DENND5A: variants seen among roughly 807,000 people sequenced by gnomAD.
DENND5A encodes DENN domain containing 5A, also known as DENN domain-containing protein 5A.
Under a neutral mutation model 140.3 loss-of-function variants are expected in DENND5A, and 64 were observed. That is an observed-to-expected ratio of 0.46 (90% CI 0.37 to 0.56). The LOEUF (loss-of-function observed/expected upper bound fraction) is 0.56. Among genes scored for constraint, DENND5A ranks in the 20% least tolerant of loss-of-function variants. The probability of loss-of-function intolerance (pLI) is 0.00; values close to 1 mark genes in which losing one functional copy is unlikely to be tolerated. For missense variants in DENND5A, 1,292 were observed against 1,593.8 expected (o/e 0.81, Z 3.22); for synonymous variants, 605 against 607.7 (o/e 1.00, Z 0.07).
intron 1 of DENND5A, among the ~76,000 whole-genome samples, chr11:9,211,941 A>C (rs1849894958): frequency 6.7e-6 from 1 of 149,854 alleles, no homozygotes; most frequent in Non-Finnish European, 1.5e-5. Flanking sequence ...AAAAAAAAAA[A>C]AAAAAAAACA....
intron 1 of DENND5A, among the ~76,000 whole-genome samples, chr11:9,243,868 AGAAC>A (rs1295915338): frequency 6.6e-6 from 1 of 152,228 alleles, no homozygotes; most frequent in Non-Finnish European, 1.5e-5. Flanking sequence ...CCTGGGCGAC[AGAAC>A]GAGACTCCAT....
At chr11:9,144,465 G>A (rs79050597) in intron 18 of DENND5A, among the ~76,000 whole-genome samples, 187 bp from the exon 19 acceptor site, 2 of 152,268 alleles carry the variant, frequency 1.3e-5, no homozygotes, top group Admixed American at 6.5e-5. Context: ...CCTGGGATCT[G>A]GGCACAGCAA....
At chr11:9,261,961 C>A (rs1219435619) in intron 1 of DENND5A, among the ~76,000 whole-genome samples, 3 of 151,980 alleles carry the variant, frequency 2.0e-5, no homozygotes, top group African/African-American at 4.8e-5. Context: ...ACAGAAAATA[C>A]CCCTCTTTAC....
chr11:9,168,899 C>G (rs1286099536), intron 10 of DENND5A, among the ~76,000 whole-genome samples: 1 of 152,060 alleles, frequency 6.6e-6, no homozygotes, highest in African/African-American at 2.4e-5. Context: ...AACTTCTTTG[C>G]AACTAAGTAA....
chr11:9,203,479 T>C (rs1348096785), intron 4 of DENND5A, 181 bp downstream of exon 4: 1 of 617,100 alleles, frequency 1.6e-6, no homozygotes, highest in African/African-American at 1.8e-5. Flanking sequence ...TGAAGATAGT[T>C]AATCAGAAAT....
At chr11:9,172,441 C>T (rs1009473056) in intron 8 of DENND5A, among the ~76,000 whole-genome samples, 1 of 152,170 alleles carries the variant, frequency 6.6e-6, no homozygotes, top group African/African-American at 2.4e-5. Context: ...TATGGTTTGG[C>T]TCCATGTCCG....
chr11:9,233,993 C>T (rs1225940157), intron 1 of DENND5A, among the ~76,000 whole-genome samples: 5 of 152,140 alleles, frequency 3.3e-5, no homozygotes, highest in South Asian at 2.1e-4. Context: ...GCCTGGCCAA[C>T]ATGGTGAAAC....
intron 1 of DENND5A, among the ~76,000 whole-genome samples, chr11:9,233,307 G>C (rs765020747): frequency 2.6e-5 from 4 of 151,240 alleles, no homozygotes; most frequent in Non-Finnish European, 5.9e-5. Flanking sequence ...GCTGAGGCAG[G>C]AGAATTGTTT....
chr11:9,198,160 A>C (rs1849395636), intron 4 of DENND5A, among the ~76,000 whole-genome samples: 4 of 152,214 alleles, frequency 2.6e-5, no homozygotes, highest in Non-Finnish European at 5.9e-5. Context: ...TGCTTTTAAA[A>C]GACTCAGTAG....
intron 1 of DENND5A, among the ~76,000 whole-genome samples, chr11:9,217,135 T>C (rs1850124190): frequency 6.6e-6 from 1 of 152,172 alleles, no homozygotes; most frequent in African/African-American, 2.4e-5. Flanking sequence ...TAAAAAAGAA[T>C]GGTGTACTGT....
intron 8 of DENND5A, among the ~76,000 whole-genome samples, chr11:9,174,102 CAAAAAAAAAAAAAAAAAA>C (rs57703622): frequency 4.7e-5 from 2 of 42,148 alleles, no homozygotes; most frequent in Non-Finnish European, 8.3e-5. Context: ...GACTCCGTCT[CAAAAAAAAAAAAAAAAAA>C]AAAAAAAAAG....
At chr11:9,167,584 C>T (rs762115949) in intron 10 of DENND5A, among the ~76,000 whole-genome samples, 6 of 151,862 alleles carry the variant, frequency 4.0e-5, no homozygotes, top group Non-Finnish European at 5.9e-5. Context: ...TTGAGACCAT[C>T]CTGGGCAACA....
rs2136137656 is a variant in DENND5A, at chr11:9,159,611, C to T, written c.2436+1102G>A. Among the ~76,000 whole-genome samples the T allele has an allele frequency of 1.3e-5, 2 of 152,292 alleles. 1 individual carries two copies. The highest frequency in any genetic ancestry group is 6.8e-3 in the Middle Eastern group (2 of 294). ...GGGATTACAGGTGTGAGCCACTGCG[C>T]CTGGCCTGCTATGAACATTTGTATA... On this transcript the variant is annotated intron_variant, in intron 12 of 22. Coordinates refer to ENST00000328194, the MANE Select transcript of DENND5A (RefSeq NM_015213.4).
chr11:9,211,607 A>C (rs983477739), intron 1 of DENND5A, among the ~76,000 whole-genome samples: 2 of 152,100 alleles, frequency 1.3e-5, no homozygotes, highest in Non-Finnish European at 2.9e-5. Flanking sequence ...GCAAACAAGA[A>C]TTTTAAAGCA....
In DENND5A at chr11:9,170,644, A is replaced by T; in HGVS notation, c.2040T>A (p.Thr680=). The stretch of plus-strand genomic sequence containing the variant: ...TGACTCACTTGTTGCTGGCTGGCCC[A>T]GTGGAAAGTACATCAGACTGCAGCT... ...FPKLQSDVLS[T]GPASNKWTKR... The change falls in exon 9 of 23, where the codon ACT becomes ACA. Residue 680 remains threonine, a synonymous_variant. Transcript: ENST00000328194. 6.2e-7 allele frequency: 1 copy of T among 1,613,906 alleles called. No individual in the cohort carries two copies. The highest frequency in any genetic ancestry group is 1.1e-5 in the South Asian group (1 of 91,070).
At chr11:9,204,642 C>T (rs193036322) in intron 3 of DENND5A, among the ~76,000 whole-genome samples, 6 of 152,112 alleles carry the variant, frequency 3.9e-5, no homozygotes, top group African/African-American at 1.2e-4. Context: ...GCAGGTGGAT[C>T]GCTTGAGGCC....
intron 12 of DENND5A, among the ~76,000 whole-genome samples, chr11:9,157,795 C>G (rs757244715): frequency 6.6e-6 from 1 of 152,128 alleles, no homozygotes; most frequent in Admixed American, 6.5e-5. Flanking sequence ...TGAACATACA[C>G]GTGCATATGT....
At chr11:9,249,773 C>T (rs535758427) in intron 1 of DENND5A, among the ~76,000 whole-genome samples, 3 of 152,240 alleles carry the variant, frequency 2.0e-5, no homozygotes, top group Admixed American at 2.0e-4. Context: ...TGTTCTCGAA[C>T]TCCTGACCTC....
At position 9,141,939 on chromosome 11, in the gene DENND5A, C is replaced by T; in HGVS notation, c.3680+1G>A. 1 of 1,583,626 alleles carries T rather than the reference C, an allele frequency of 6.3e-7. No individual in the cohort carries two copies. The highest frequency in any genetic ancestry group is 8.6e-7 in the Non-Finnish European group (1 of 1,164,000). ...CACTCTGGGCCCTGGGTCTGCAGTA[C>T]CTGGCTCCCAAGCACACCAGCATCT... On this transcript the variant is annotated splice_donor_variant, in intron 22 of 22. Coordinates refer to ENST00000328194, the MANE Select transcript of DENND5A (RefSeq NM_015213.4). LOFTEE classifies it high-confidence loss of function.
Sources: gnomAD v4.1 joint callset for allele counts (sites outside exome capture counted in the v4.1 genomes callset) on GRCh38, gnomAD v4.1.1 for gene constraint, MANE v1.5 for transcripts, NCBI Gene and HGNC (gene_info 2026-07-23, HGNC 2026-07-21) for gene names.